FOXP2: variants seen among roughly 807,000 people sequenced by gnomAD.
FOXP2 encodes forkhead box P2.
A neutral mutation model predicts 115.8 loss-of-function variants in FOXP2; 12 were observed. The ratio of observed to expected loss-of-function variants is 0.10; its 90% CI spans 0.07 to 0.17. The LOEUF (loss-of-function observed/expected upper bound fraction) is 0.17. Ranked by LOEUF, FOXP2 falls within the 10% of genes least tolerant of loss-of-function variation. FOXP2 has a pLI of 1.00. For missense variants in FOXP2, 629 were observed against 843.5 expected, an observed-to-expected ratio of 0.75 and a Z score of 3.15; for synonymous variants, 328 against 297.7, an observed-to-expected ratio of 1.10 and a Z score of -1.05.
At chr7:114,099,679 C>T (rs1010831773) in intron 1 of FOXP2, among the ~76,000 whole-genome samples, 1 of 152,100 alleles carries the variant, frequency 6.6e-6, no homozygotes, top group Non-Finnish European at 1.5e-5. Context: ...TTGGTTTCTG[C>T]GGAGCATTGG....
At chr7:114,105,308 T>C (rs957226637) in intron 1 of FOXP2, among the ~76,000 whole-genome samples, 10 of 152,058 alleles carry the variant, frequency 6.6e-5, no homozygotes, top group Non-Finnish European at 8.8e-5. Flanking sequence ...GGGAATCATC[T>C]GAAGAATTTC....
chr7:114,094,482 GA>G (rs1443966165), intron 1 of FOXP2, among the ~76,000 whole-genome samples: 1 of 152,076 alleles, frequency 6.6e-6, no homozygotes, highest in East Asian at 1.9e-4. Flanking sequence ...TAATGAAGGA[GA>G]ATGTCTCCCT....
chr7:114,233,568 C>G (rs1794939503), intron 1 of FOXP2, among the ~76,000 whole-genome samples: 2 of 152,168 alleles, frequency 1.3e-5, no homozygotes, highest in South Asian at 4.1e-4. Flanking sequence ...TCTGGGCTTC[C>G]TAAGGCTCAC....
chr7:114,302,080 T>A (rs139066014), intron 2 of FOXP2, among the ~76,000 whole-genome samples: 1 of 152,238 alleles, frequency 6.6e-6, no homozygotes, highest in Non-Finnish European at 1.5e-5. Context: ...TTTACTCTTA[T>A]TGAATTTTAA....
chr7:114,425,756 A>G (rs909650818), intron 1 of FOXP2, among the ~76,000 whole-genome samples: 2 of 151,636 alleles, frequency 1.3e-5, no homozygotes, highest in African/African-American at 2.4e-5. Flanking sequence ...AGTCATCTTC[A>G]AGTGAACAGT....
At chr7:114,425,857 G>T (rs916226516) in intron 1 of FOXP2, among the ~76,000 whole-genome samples, 4 of 151,566 alleles carry the variant, frequency 2.6e-5, no homozygotes, top group African/African-American at 9.7e-5. Flanking sequence ...AATATGAGCT[G>T]TTTGATTAAA....
chr7:114,130,600 A>G (rs1791846753), intron 1 of FOXP2, among the ~76,000 whole-genome samples: 2 of 152,210 alleles, frequency 1.3e-5, no homozygotes, highest in Admixed American at 1.3e-4. Flanking sequence ...TGTAACTTAG[A>G]ACATTTAAAT....
At position 114,620,407 on chromosome 7, in the gene FOXP2, T is replaced by C. The variant is rs374721078; in HGVS notation, c.259-8133T>C. Among the ~76,000 whole-genome samples the C allele has an allele frequency of 1.7e-4, 26 of 152,164 alleles. No individual in the cohort carries two copies. In the East Asian group the frequency reaches 4.8e-3, roughly 28 times the overall value. On this transcript the variant is annotated intron_variant, in intron 3 of 16. Coordinates refer to ENST00000350908, the MANE Select transcript of FOXP2 (RefSeq NM_014491.4). ...TCTGTGGTCTTGTAGTGGGAAACCT[T>C]TCAAAGTGATGAACTGTAATTCACT...
intron 1 of FOXP2, among the ~76,000 whole-genome samples, chr7:114,093,792 G>A (rs1799589023): frequency 6.6e-6 from 1 of 151,696 alleles, no homozygotes; most frequent in Admixed American, 6.6e-5. Context: ...TTAAATTATT[G>A]ATCTGAGAAA....
intron 2 of FOXP2, among the ~76,000 whole-genome samples, chr7:114,364,671 T>C (rs1033794521): frequency 4.6e-5 from 7 of 152,160 alleles, no homozygotes; most frequent in Admixed American, 4.6e-4. Context: ...ATAATCTAAT[T>C]AGTTTACATT....
intron 1 of FOXP2, among the ~76,000 whole-genome samples, chr7:114,220,979 T>C (rs1365701923): frequency 5.3e-5 from 8 of 152,192 alleles, no homozygotes; most frequent in African/African-American, 1.9e-4. Context: ...AGTAGTAGCA[T>C]AATAGTATGA....
rs144258391 is a variant in FOXP2 at position 114,615,295 on chromosome 7, T to C, written c.259-13245T>C. Among the ~76,000 whole-genome samples the C allele has an allele frequency of 7.9e-5, 12 of 152,292 alleles. No individual in the cohort carries two copies. The East Asian group carries it at 2.3e-3, about 29-fold the overall frequency. On this transcript the variant is annotated intron_variant, in intron 3 of 16. Transcript: ENST00000350908. ...AGTTAAGCAATTATATTGCTCACTG[T>C]CATCATAATCTAGTTAACTAAAAGG...
At chr7:114,632,265 A>C (rs1176675209) in intron 6 of FOXP2, among the ~76,000 whole-genome samples, 1 of 152,228 alleles carries the variant, frequency 6.6e-6, no homozygotes, top group East Asian at 1.9e-4. Flanking sequence ...CTATGCATGT[A>C]TTGTAAACTA....
At chr7:114,663,364 C>T (rs946036534) in intron 14 of FOXP2, 86 bp from the exon 15 acceptor site, 26 of 1,002,840 alleles carry the variant, frequency 2.6e-5, no homozygotes, top group Middle Eastern at 5.8e-4. Flanking sequence ...TGAGACAAGC[C>T]AGAACATACC....
At chr7:114,642,732 G>GAACAACA (rs1266691392) in intron 7 of FOXP2, 109 bp downstream of exon 7, 1 of 688,648 alleles carries the variant, frequency 1.5e-6, no homozygotes, top group Admixed American at 2.2e-5. Flanking sequence ...AAAATGTATA[G>GAACAACA]AACAACAGAT....
chr7:114,586,552 A>G (rs1802141932), intron 3 of FOXP2, among the ~76,000 whole-genome samples: 2 of 152,100 alleles, frequency 1.3e-5, no homozygotes, highest in Admixed American at 6.5e-5. Flanking sequence ...CTTATATATA[A>G]TAATCATTTG....
At chr7:114,217,720 A>G (rs1366746197) in intron 1 of FOXP2, among the ~76,000 whole-genome samples, 1 of 152,194 alleles carries the variant, frequency 6.6e-6, no homozygotes, top group Non-Finnish European at 1.5e-5. Flanking sequence ...TGCTAATTAG[A>G]GGCAGATAAC....
intron 1 of FOXP2, among the ~76,000 whole-genome samples, chr7:114,153,899 C>A (rs1792590016): frequency 6.6e-6 from 1 of 152,072 alleles, no homozygotes; most frequent in Non-Finnish European, 1.5e-5. Context: ...GTTGTAAGCC[C>A]TCCTTGATGT....
chr7:114,575,676 C>T (rs2129298430), intron 3 of FOXP2, among the ~76,000 whole-genome samples: 1 of 151,896 alleles, frequency 6.6e-6, no homozygotes, highest in Admixed American at 6.6e-5. Context: ...AAGTGATTGT[C>T]CCCCAATTGT....
Sources: gnomAD v4.1 joint callset for allele counts (sites outside exome capture counted in the v4.1 genomes callset) on GRCh38, gnomAD v4.1.1 for gene constraint, MANE v1.5 for transcripts, NCBI Gene and HGNC (gene_info 2026-07-23, HGNC 2026-07-21) for gene names.